Variants in CSGALNACT1 observed in about 807,000 individuals in gnomAD.
The protein encoded by CSGALNACT1 is chondroitin sulfate N-acetylgalactosaminyltransferase 1.
A neutral mutation model predicts 51.0 loss-of-function variants in CSGALNACT1; 52 were observed. The observed-to-expected ratio is 1.02, with a 90% CI of 0.82 to 1.29. The LOEUF (loss-of-function observed/expected upper bound fraction) is 1.29. Among genes scored for constraint, CSGALNACT1 ranks in the 50% most tolerant of loss-of-function variants. The probability of loss-of-function intolerance (pLI) is 0.00; values close to 1 mark genes in which losing one functional copy is unlikely to be tolerated. For missense variants in CSGALNACT1, 935 were observed against 679.2 expected, an observed-to-expected ratio of 1.38 and a Z score of -4.19; for synonymous variants, 341 against 254.4, an observed-to-expected ratio of 1.34 and a Z score of -3.24.
At chr8:19,479,963 C>T (rs921521453) in intron 4 of CSGALNACT1, among the ~76,000 whole-genome samples, 1 of 152,158 alleles carries the variant, frequency 6.6e-6, no homozygotes, top group African/African-American at 2.4e-5. Context: ...ACAGATACCT[C>T]TTTGTAGAGT....
At chr8:19,712,887 C>T (rs1471200875) in intron 1 of CSGALNACT1, among the ~76,000 whole-genome samples, 1 of 152,178 alleles carries the variant, frequency 6.6e-6, no homozygotes, top group African/African-American at 2.4e-5. Context: ...ACAATGAACC[C>T]AATCCTGACT....
chr8:19,580,165 A>G (rs7817946), intron 3 of CSGALNACT1, among the ~76,000 whole-genome samples: 5,075 of 152,296 alleles, frequency 0.033, 302 homozygotes, highest in African/African-American at 0.11. Context: ...TGAGGAGCTG[A>G]AAAATGAAAT....
intron 1 of CSGALNACT1, among the ~76,000 whole-genome samples, chr8:19,630,549 A>C (rs1175864672): frequency 6.6e-6 from 1 of 151,230 alleles, no homozygotes; most frequent in Non-Finnish European, 1.5e-5. Context: ...GGGTTCTGCC[A>C]AATGTATAAT....
intron 1 of CSGALNACT1, among the ~76,000 whole-genome samples, chr8:19,682,095 T>G (rs1305773906): frequency 6.6e-6 from 1 of 152,200 alleles, no homozygotes; most frequent in African/African-American, 2.4e-5. Context: ...GAATTCTACA[T>G]TGGAGCCTGG....
At chr8:19,532,448 T>A (rs2082955158) in intron 3 of CSGALNACT1, among the ~76,000 whole-genome samples, 1 of 152,192 alleles carries the variant, frequency 6.6e-6, no homozygotes, top group Admixed American at 6.5e-5. Context: ...CTCTTTTCTA[T>A]TCCCTTAAAC....
chr8:19,610,322 A>C (rs2052052053), intron 1 of CSGALNACT1, among the ~76,000 whole-genome samples: 2 of 145,218 alleles, frequency 1.4e-5, no homozygotes, highest in African/African-American at 2.5e-5. Context: ...GATACAGAAG[A>C]GGGGAAGGGA....
rs185888629 is a variant in CSGALNACT1 at position 19,660,846 on chromosome 8, G to A, written c.-544+21627C>T. ...GAAAACACAAGGTTCTTACATGGGTGTACATTCCCAAAACCTCCAGAATGA... is the reference window on the plus strand; with the variant it reads ...GAAAACACAAGGTTCTTACATGGGTATACATTCCCAAAACCTCCAGAATGA... On this transcript the variant is annotated intron_variant, in intron 1 of 9. Transcript: ENST00000332246. 7.2e-5 allele frequency among the ~76,000 whole-genome samples: 11 copies of A among 152,298 alleles called. No homozygotes were observed. The South Asian group carries it at 1.0e-3, about 14-fold the overall frequency.
exon 7 of CSGALNACT1, chr8:19,420,429 T>C (rs769216150): frequency 6.2e-7 from 1 of 1,614,192 alleles, no homozygotes. Flanking sequence ...GTTGCTTCCC[T>C]TCCAGAAGCG....
At chr8:19,446,737 C>A (rs1278311521) in intron 5 of CSGALNACT1, among the ~76,000 whole-genome samples, 1 of 152,164 alleles carries the variant, frequency 6.6e-6, no homozygotes, top group Non-Finnish European at 1.5e-5. Context: ...TGGTCTCGAA[C>A]TCCTGACCTC....
At chr8:19,609,178 C>T (rs1337062022) in intron 1 of CSGALNACT1, among the ~76,000 whole-genome samples, 2 of 143,036 alleles carry the variant, frequency 1.4e-5, no homozygotes, top group Admixed American at 7.1e-5. Context: ...TGGAAGGATG[C>T]TTTTTTTTTT....
chr8:19,593,798 G>C (rs2048329219), intron 2 of CSGALNACT1, among the ~76,000 whole-genome samples: 1 of 152,114 alleles, frequency 6.6e-6, no homozygotes, highest in Admixed American at 6.5e-5. Flanking sequence ...ATCACTTTTT[G>C]GGACTGATTC....
chr8:19,538,553 G>A (rs1411764351), intron 3 of CSGALNACT1, among the ~76,000 whole-genome samples: 1 of 152,110 alleles, frequency 6.6e-6, no homozygotes, highest in Non-Finnish European at 1.5e-5. Flanking sequence ...TTAAAGGACT[G>A]GGTAATTTGC....
At chr8:19,567,246 C>G (rs1023123750) in intron 3 of CSGALNACT1, among the ~76,000 whole-genome samples, 4 of 152,176 alleles carry the variant, frequency 2.6e-5, no homozygotes, top group African/African-American at 7.2e-5. Flanking sequence ...CACATGTACA[C>G]CAGTACAAAG....
At chr8:19,438,426 G>GT (rs2153746097) in intron 6 of CSGALNACT1, among the ~76,000 whole-genome samples, 1 of 152,312 alleles carries the variant, frequency 6.6e-6, no homozygotes, top group South Asian at 2.1e-4. Context: ...GAGAACATTT[G>GT]TAATGTACTG....
chr8:19,657,239 TGATAAACTGAAA>T (rs11204059), intron 1 of CSGALNACT1, among the ~76,000 whole-genome samples: 8,267 of 86,308 alleles, frequency 0.096, 327 homozygotes, highest in Middle Eastern at 0.14. Flanking sequence ...AACTGAAAGA[TGATAAACTGAAA>T]GATAAACTGA....
intron 3 of CSGALNACT1, among the ~76,000 whole-genome samples, chr8:19,524,482 C>A (rs1587811998): frequency 6.6e-6 from 1 of 151,886 alleles, no homozygotes; most frequent in Non-Finnish European, 1.5e-5. Flanking sequence ...GCTTTCAAAC[C>A]CTTTACATAT....
At chr8:19,684,120 A>T (rs1028486970), upstream of CSGALNACT1, among the ~76,000 whole-genome samples, 2 of 152,160 alleles carry the variant, frequency 1.3e-5, no homozygotes, top group Non-Finnish European at 2.9e-5. Flanking sequence ...GAGCAGAGAT[A>T]GTGCCATTGC....
upstream of CSGALNACT1, among the ~76,000 whole-genome samples, chr8:19,684,429 A>C (rs917995877): frequency 6.6e-6 from 1 of 152,170 alleles, no homozygotes; most frequent in African/African-American, 2.4e-5. Flanking sequence ...AATAAACATA[A>C]GATTATGAGA....
intron 3 of CSGALNACT1, among the ~76,000 whole-genome samples, chr8:19,551,907 C>G (rs940984084): frequency 6.6e-6 from 1 of 152,052 alleles, no homozygotes; most frequent in Non-Finnish European, 1.5e-5. Context: ...ACCGTAAGTT[C>G]AAAAATCTTT....
Sources: allele counts gnomAD v4.1 joint callset (sites outside exome capture counted in the v4.1 genomes callset), GRCh38; gene constraint gnomAD v4.1.1; transcripts MANE v1.5; gene names NCBI Gene and HGNC (gene_info 2026-07-23, HGNC 2026-07-21).